The following EXOC2 variants were observed in gnomAD, a reference collection of about 807,000 sequenced individuals.
The protein encoded by EXOC2 is exocyst complex component 2, also known as SEC5-like 1.
A neutral mutation model predicts 131.8 loss-of-function variants in EXOC2; 70 were observed. That is an observed-to-expected ratio of 0.53 (90% CI 0.44 to 0.65). EXOC2 has a LOEUF of 0.65. Among genes scored for constraint, EXOC2 ranks in the 30% least tolerant of loss-of-function variants. The probability of loss-of-function intolerance (pLI) is 0.00; values close to 1 mark genes in which losing one functional copy is unlikely to be tolerated. For missense variants in EXOC2, 923 were observed against 1,108.6 expected (o/e 0.83, Z 2.38); for synonymous variants, 411 against 398.4 (o/e 1.03, Z -0.38).
At chr6:538,725 A>G (rs575071396) in intron 22 of EXOC2, among the ~76,000 whole-genome samples, 95 of 152,322 alleles carry the variant, frequency 6.2e-4, no homozygotes, top group African/African-American at 2.1e-3. Flanking sequence ...AGCAATGCGC[A>G]TTCAGTATGT....
At chr6:685,370 G>A (rs541444910) in intron 1 of EXOC2, among the ~76,000 whole-genome samples, 12 of 152,302 alleles carry the variant, frequency 7.9e-5, no homozygotes, top group African/African-American at 2.9e-4. Flanking sequence ...TATAATCAAA[G>A]TAGAGAATTC....
intron 7 of EXOC2, among the ~76,000 whole-genome samples, chr6:602,476 C>A (rs1240916525): frequency 2.8e-5 from 1 of 36,028 alleles, no homozygotes; most frequent in African/African-American, 5.3e-5. Flanking sequence ...ACCAAGAACA[C>A]CCCGTGTGCA....
At position 655,883 on chromosome 6, in the gene EXOC2, T is replaced by C. The variant is rs1325453152; in HGVS notation, c.-43-18022A>G. 6.8e-6 allele frequency: 3 copies of C among 439,350 alleles called. No individual in the cohort carries two copies. In the East Asian group the frequency reaches 1.1e-4, roughly 17 times the overall value. 27.2% of individuals were successfully genotyped at this position (439,350 alleles called of 1,614,324 possible). ...GAGTTGAAGAATAACTTTGATAGAA[T>C]CTTAAGCAGGAAAAAAACCTGACAA... On this transcript the variant is annotated intron_variant, in intron 1 of 27. Transcript: ENST00000230449.
intron 10 of EXOC2, among the ~76,000 whole-genome samples, chr6:594,454 T>G (rs911043006): frequency 3.3e-5 from 5 of 152,218 alleles, no homozygotes; most frequent in African/African-American, 1.2e-4. Flanking sequence ...TTCACTCACG[T>G]AGCCCTCAGA....
chr6:646,068 T>G (rs550922891), intron 1 of EXOC2, among the ~76,000 whole-genome samples: 664 of 152,344 alleles, frequency 4.4e-3, no homozygotes, highest in Non-Finnish European at 7.3e-3. Context: ...CCTGTTGATT[T>G]GATTTGGGTT....
intron 12 of EXOC2, among the ~76,000 whole-genome samples, chr6:574,668 A>G (rs1296222182): frequency 6.6e-6 from 1 of 152,234 alleles, no homozygotes; most frequent in Non-Finnish European, 1.5e-5. Context: ...TTTATTTTTC[A>G]TTCAGCTAAT....
chr6:518,531 T>C (rs1041253701), intron 23 of EXOC2, among the ~76,000 whole-genome samples: 1 of 152,238 alleles, frequency 6.6e-6, no homozygotes. Flanking sequence ...GAAGAAAATA[T>C]GTAGGCCACG....
At chr6:491,738 A>G (rs1763447726) in intron 25 of EXOC2, among the ~76,000 whole-genome samples, 1 of 152,234 alleles carries the variant, frequency 6.6e-6, no homozygotes, top group Non-Finnish European at 1.5e-5. Context: ...TAAAATTCAT[A>G]AGGAAATGCA....
chr6:499,750 TC>T (rs1561783505), intron 23 of EXOC2, 50 bp from the exon 24 acceptor site: 1 of 1,476,754 alleles, frequency 6.8e-7, no homozygotes. Flanking sequence ...TAACACAAGC[TC>T]CCCTCCCCTG....
chr6:607,995 T>A (rs1277868939), intron 7 of EXOC2, among the ~76,000 whole-genome samples: 2 of 152,200 alleles, frequency 1.3e-5, no homozygotes, highest in South Asian at 2.1e-4. Flanking sequence ...AAAAATCTTT[T>A]AAAAAAACTG....
chr6:643,561 A>C (rs1332761656), intron 1 of EXOC2, among the ~76,000 whole-genome samples: 1 of 152,092 alleles, frequency 6.6e-6, no homozygotes, highest in East Asian at 1.9e-4. Context: ...GTAACTTAAA[A>C]TCTTAGAGAA....
chr6:632,769 G>A (rs1214643594), intron 3 of EXOC2, among the ~76,000 whole-genome samples, 172 bp downstream of exon 3: 1 of 152,110 alleles, frequency 6.6e-6, no homozygotes, highest in Non-Finnish European at 1.5e-5. Flanking sequence ...CTGCCTTCCC[G>A]AAAGTAACAC....
intron 22 of EXOC2, among the ~76,000 whole-genome samples, chr6:546,866 C>T (rs926739050): frequency 6.6e-6 from 1 of 152,218 alleles, no homozygotes; most frequent in African/African-American, 2.4e-5. Flanking sequence ...AAAAGTTACA[C>T]TTAGATTTTC....
intron 23 of EXOC2, among the ~76,000 whole-genome samples, chr6:512,697 C>T (rs1479422372): frequency 2.0e-5 from 3 of 152,116 alleles, no homozygotes; most frequent in Admixed American, 2.0e-4. Flanking sequence ...CTGACCCATG[C>T]CCTGTACATG....
At chr6:508,966 A>G (rs1332791651) in intron 23 of EXOC2, among the ~76,000 whole-genome samples, 3 of 152,250 alleles carry the variant, frequency 2.0e-5, no homozygotes, top group African/African-American at 7.2e-5. Flanking sequence ...GATTTTGGCC[A>G]TTCTACTAGG....
chr6:522,080 C>T (rs1260875129), intron 23 of EXOC2, among the ~76,000 whole-genome samples: 1 of 152,198 alleles, frequency 6.6e-6, no homozygotes, highest in East Asian at 1.9e-4. Context: ...CTGAATAAAT[C>T]TATTACTGGA....
intron 4 of EXOC2, among the ~76,000 whole-genome samples, chr6:624,275 T>C (rs1305323461): frequency 6.6e-6 from 1 of 152,272 alleles, no homozygotes; most frequent in East Asian, 1.9e-4. Flanking sequence ...TAATAAGCAG[T>C]GGCTAAGAGC....
At chr6:653,595 G>A (rs969222252) in intron 1 of EXOC2, among the ~76,000 whole-genome samples, 1 of 152,222 alleles carries the variant, frequency 6.6e-6, no homozygotes, top group Non-Finnish European at 1.5e-5. Flanking sequence ...GCTGTAGTTA[G>A]AGGATGGTTC....
chr6:619,257 C>G (rs1009133203), intron 5 of EXOC2, among the ~76,000 whole-genome samples, 173 bp downstream of exon 5: 3 of 152,184 alleles, frequency 2.0e-5, no homozygotes, highest in Non-Finnish European at 2.9e-5. Context: ...ATTGCACAAA[C>G]AGGGAAACAG....
Sources: gnomAD v4.1 joint callset for allele counts (sites outside exome capture counted in the v4.1 genomes callset) on GRCh38, gnomAD v4.1.1 for gene constraint, MANE v1.5 for transcripts, NCBI Gene and HGNC (gene_info 2026-07-23, HGNC 2026-07-21) for gene names.